Variants in COL24A1 observed in about 807,000 individuals in gnomAD.
COL24A1 encodes collagen alpha-1(XXIV) chain.
Under a neutral mutation model 253.9 loss-of-function variants are expected in COL24A1, and 224 were observed. The ratio of observed to expected loss-of-function variants is 0.88; its 90% CI spans 0.79 to 0.99. COL24A1 has a LOEUF of 0.99. Among genes scored for constraint, COL24A1 ranks in the 50% least tolerant of loss-of-function variants. COL24A1 has a pLI of 0.00. For synonymous variants in COL24A1, 685 were observed against 673.7 expected, an observed-to-expected ratio of 1.02 and a Z score of -0.26; for missense variants, 2,131 against 2,068.5, an observed-to-expected ratio of 1.03 and a Z score of -0.59.
chr1:85,734,946 T>C lies in COL24A1; in HGVS notation c.4801A>G (p.Lys1601Glu). ...AAATGAAGGAAGTTCATCTGGACTTTCCCAACTCCAAACTCCAACTAATGT... is the reference window on the plus strand; with the variant it reads ...AAATGAAGGAAGTTCATCTGGACTTCCCCAACTCCAAACTCCAACTAATGT... ...SVTKLEFGVG[K>E]VQMNFLHLLS... Residue 1601 changes from lysine to glutamate, a missense_variant, in exon 59 of 60, where the codon AAA becomes GAA. Physicochemically the swap from Lys to Glu is moderately conservative, Grantham distance 56. Transcript: ENST00000370571. The C allele has an allele frequency of 6.2e-7, 1 of 1,614,160 alleles. No individual in the cohort carries two copies. The highest frequency in any genetic ancestry group is 8.5e-7 in the Non-Finnish European group (1 of 1,180,022).
chr1:86,067,378 C>T (rs1301351138), intron 7 of COL24A1, among the ~76,000 whole-genome samples: 1 of 152,056 alleles, frequency 6.6e-6, no homozygotes. Flanking sequence ...AAAATGATAC[C>T]TAAGCCCTTG....
chr1:85,756,899 G>A (rs576429065), intron 55 of COL24A1, among the ~76,000 whole-genome samples: 5 of 152,196 alleles, frequency 3.3e-5, no homozygotes, highest in East Asian at 1.9e-4. Flanking sequence ...TCGAATATAC[G>A]CTTACAAAAG....
At chr1:85,756,681 T>A (rs1666296916) in intron 55 of COL24A1, among the ~76,000 whole-genome samples, 1 of 152,136 alleles carries the variant, frequency 6.6e-6, no homozygotes, top group South Asian at 2.1e-4. Flanking sequence ...AGACATAGAA[T>A]TACTACATGA....
At chr1:85,755,106 C>A (rs561988401) in intron 55 of COL24A1, among the ~76,000 whole-genome samples, 4 of 151,974 alleles carry the variant, frequency 2.6e-5, no homozygotes, top group Non-Finnish European at 4.4e-5. Flanking sequence ...AGCTAATTTC[C>A]CATAAAAAAC....
At chr1:86,003,409 A>C (rs1695623444) in intron 19 of COL24A1, among the ~76,000 whole-genome samples, 1 of 152,172 alleles carries the variant, frequency 6.6e-6, no homozygotes, top group Admixed American at 6.5e-5. Flanking sequence ...AGGTAGCCCA[A>C]ACCCCAATGT....
intron 47 of COL24A1, among the ~76,000 whole-genome samples, chr1:85,795,509 G>A (rs954147684): frequency 3.9e-5 from 6 of 152,032 alleles, no homozygotes; most frequent in African/African-American, 1.2e-4. Context: ...TATATTTAAA[G>A]TTATGCTGAG....
chr1:85,888,281 A>G (rs910115645), intron 32 of COL24A1, among the ~76,000 whole-genome samples: 2 of 152,132 alleles, frequency 1.3e-5, no homozygotes, highest in African/African-American at 4.8e-5. Flanking sequence ...CAAAATAGAT[A>G]TCAGATAATA....
At position 85,911,467 on chromosome 1, in the gene COL24A1, C is replaced by T. The variant is rs1340959421; in HGVS notation, c.2563-34G>A. 2.0e-6 allele frequency: 3 copies of T among 1,518,806 alleles called. No individual in the cohort carries two copies. In the South Asian group the frequency reaches 3.4e-5, roughly 17 times the overall value. The allele number at this position is 1,518,806 out of a possible 1,614,324, so 94.1% of individuals were successfully genotyped here. ...AAAAAAAAATAACAGAAAATACACA[C>T]ATATTGTATTGCTATTGTAGTGCCT... On this transcript the variant is annotated intron_variant, in intron 24 of 59. Coordinates refer to ENST00000370571, the MANE Select transcript of COL24A1 (RefSeq NM_152890.7).
chr1:85,967,965 A>G (rs1691737893), intron 22 of COL24A1, among the ~76,000 whole-genome samples: 2 of 152,140 alleles, frequency 1.3e-5, no homozygotes, highest in South Asian at 4.1e-4. Context: ...ATCCACTCTT[A>G]ATCTGGTGGG....
intron 59 of COL24A1, among the ~76,000 whole-genome samples, chr1:85,731,706 T>C (rs545139686): frequency 6.6e-6 from 1 of 152,148 alleles, no homozygotes. Context: ...TAAATCTAAT[T>C]GAAGAGAGTA....
chr1:85,947,385 G>C (rs1689428853), intron 24 of COL24A1, among the ~76,000 whole-genome samples: 1 of 152,162 alleles, frequency 6.6e-6, no homozygotes, highest in South Asian at 2.1e-4. Context: ...ATGCAGGTTA[G>C]TTATAGGTGA....
chr1:85,884,871 T>C (rs12755267), intron 32 of COL24A1, among the ~76,000 whole-genome samples: 38,361 of 151,988 alleles, frequency 0.25, 5,200 homozygotes, highest in Admixed American at 0.35. Context: ...AAGAACCTGT[T>C]AGGGCTCTGG....
intron 28 of COL24A1, among the ~76,000 whole-genome samples, chr1:85,904,046 A>G (rs951884511): frequency 2.6e-5 from 4 of 152,178 alleles, no homozygotes; most frequent in Non-Finnish European, 5.9e-5. Flanking sequence ...CCTATATGGT[A>G]AGCATTTCCT....
At chr1:85,881,564 G>A (rs1489294199) in intron 32 of COL24A1, among the ~76,000 whole-genome samples, 10 of 152,132 alleles carry the variant, frequency 6.6e-5, no homozygotes, top group Non-Finnish European at 4.4e-5. Flanking sequence ...GGTGGAGGTT[G>A]CAGTGAGCTG....
chr1:85,919,238 T>TGCA (rs201963694), intron 24 of COL24A1, among the ~76,000 whole-genome samples: 3,168 of 152,348 alleles, frequency 0.021, 106 homozygotes, highest in African/African-American at 0.071. Flanking sequence ...TGTTTCTTTC[T>TGCA]GCAGCATAAT....
intron 31 of COL24A1, among the ~76,000 whole-genome samples, chr1:85,890,060 C>G (rs2102742770): frequency 6.6e-6 from 1 of 152,216 alleles, no homozygotes; most frequent in Admixed American, 6.5e-5. Context: ...CAAGGTTCAT[C>G]CCTGTTGTAG....
chr1:86,128,768 C>T (rs986612576), intron 2 of COL24A1, among the ~76,000 whole-genome samples: 3 of 151,850 alleles, frequency 2.0e-5, no homozygotes, highest in Non-Finnish European at 4.4e-5. Flanking sequence ...TGTTTGAACA[C>T]TTATTACTGA....
At chr1:85,744,987 TTTAATAACC>T (rs1241311937) in intron 56 of COL24A1, among the ~76,000 whole-genome samples, 153 bp from the exon 57 acceptor site, 2 of 151,978 alleles carry the variant, frequency 1.3e-5, no homozygotes, top group Non-Finnish European at 1.5e-5. Context: ...ATGTGTATGC[TTTAATAACC>T]TTAATCTTTT....
chr1:86,146,155 A>G lies in COL24A1; in HGVS notation c.85T>C (p.Cys29Arg), dbSNP rs374205177. Residue 29 changes from cysteine (C) to arginine (R), a missense_variant, in exon 2 of 60, where the codon TGT becomes CGT. Transcript: ENST00000370571. ...GCATGAACAACCACCCCAGCCACAC[A>G]TAGTACAATAAAATGAAGAAGTGAT... ...TKSLLHFIVL[C>R]VAGVVVHAQE... 5.4e-5 allele frequency: 87 copies of G among 1,611,494 alleles called. No homozygotes were observed. The highest frequency in any genetic ancestry group is 7.1e-5 in the Non-Finnish European group (84 of 1,178,854).
Sources: allele counts gnomAD v4.1 joint callset (sites outside exome capture counted in the v4.1 genomes callset), GRCh38; gene constraint gnomAD v4.1.1; transcripts MANE v1.5; gene names NCBI Gene and HGNC (gene_info 2026-07-23, HGNC 2026-07-21).